The following TSHZ2 variants were observed in gnomAD, a reference collection of about 807,000 sequenced individuals.
The protein encoded by TSHZ2 is teashirt zinc finger homeobox 2.
TSHZ2 carries 21 observed loss-of-function variants against 74.4 expected under a neutral mutation model. The ratio of observed to expected loss-of-function variants is 0.28; its 90% confidence interval spans 0.20 to 0.41. The LOEUF is 0.41. Among genes scored for constraint, TSHZ2 ranks in the 10% least tolerant of loss-of-function variants. The pLI is 1.00. For synonymous variants in TSHZ2, 540 were observed against 515.3 expected, an observed-to-expected ratio of 1.05 and a Z score of -0.65; for missense variants, 1,244 against 1,293.5, an observed-to-expected ratio of 0.96 and a Z score of 0.59.
chr20:53,214,253 C>A (rs148691536), intron 1 of TSHZ2, among the ~76,000 whole-genome samples: 3 of 151,938 alleles, frequency 2.0e-5, no homozygotes, highest in African/African-American at 7.3e-5. Context: ...GTTTATGTTA[C>A]GGGGGTGGCA....
intron 1 of TSHZ2, among the ~76,000 whole-genome samples, chr20:53,089,042 T>C (rs1429086614): frequency 6.6e-6 from 1 of 152,078 alleles, no homozygotes; most frequent in African/African-American, 2.4e-5. Flanking sequence ...AAGCTTTCCG[T>C]GGCTCATCTC....
At chr20:53,372,075 T>C (rs979191874) in intron 2 of TSHZ2, among the ~76,000 whole-genome samples, 1 of 152,122 alleles carries the variant, frequency 6.6e-6, no homozygotes, top group African/African-American at 2.4e-5. Flanking sequence ...CCCACCCTAA[T>C]TGAGTCTGAC....
intron 2 of TSHZ2, among the ~76,000 whole-genome samples, chr20:53,407,451 C>T (rs937573415): frequency 3.9e-5 from 6 of 152,184 alleles, no homozygotes; most frequent in African/African-American, 1.4e-4. Context: ...CAATTATCAC[C>T]TTGCAAATGG....
At chr20:53,470,354 T>A (rs542679561) in intron 2 of TSHZ2, among the ~76,000 whole-genome samples, 2 of 152,194 alleles carry the variant, frequency 1.3e-5, no homozygotes, top group Admixed American at 1.3e-4. Flanking sequence ...TTAGGAAAAA[T>A]TAAATGAAAC....
chr20:53,139,178 C>T (rs1365082128), intron 1 of TSHZ2, among the ~76,000 whole-genome samples: 1 of 152,220 alleles, frequency 6.6e-6, no homozygotes, highest in Non-Finnish European at 1.5e-5. Context: ...ACAAGACTTA[C>T]TATAACTGCT....
chr20:53,270,097 T>C (rs566548337), intron 2 of TSHZ2, among the ~76,000 whole-genome samples: 8 of 152,062 alleles, frequency 5.3e-5, no homozygotes, highest in Non-Finnish European at 7.4e-5. Context: ...GAGGGTATGG[T>C]GGAGATGCCT....
chr20:53,259,286 G>C (rs1990551491), intron 2 of TSHZ2, among the ~76,000 whole-genome samples: 1 of 152,204 alleles, frequency 6.6e-6, no homozygotes, highest in Admixed American at 6.5e-5. Context: ...TTTTTTGAAA[G>C]ACACAACTTT....
At chr20:53,264,617 C>A (rs1990671199) in intron 2 of TSHZ2, among the ~76,000 whole-genome samples, 1 of 152,168 alleles carries the variant, frequency 6.6e-6, no homozygotes, top group Non-Finnish European at 1.5e-5. Flanking sequence ...CAACTTTAGC[C>A]CAAATATATG....
intron 2 of TSHZ2, among the ~76,000 whole-genome samples, chr20:53,323,091 C>G (rs942102921): frequency 2.6e-5 from 4 of 152,180 alleles, no homozygotes; most frequent in African/African-American, 9.7e-5. Context: ...GTCGGTCACC[C>G]TGCTCCAGAT....
intron 2 of TSHZ2, among the ~76,000 whole-genome samples, chr20:53,312,525 G>A (rs969966875): frequency 6.6e-6 from 1 of 152,192 alleles, no homozygotes; most frequent in South Asian, 2.1e-4. Context: ...TATATGAGAA[G>A]AGGAGACAAT....
chr20:53,355,782 C>T (rs924812654), intron 2 of TSHZ2, among the ~76,000 whole-genome samples: 1 of 88,148 alleles, frequency 1.1e-5, no homozygotes, highest in Non-Finnish European at 2.8e-5. Flanking sequence ...AAGCTGTTAA[C>T]AAAACAAAAA....
chr20:53,256,302 C>T lies in TSHZ2; in HGVS notation c.2844C>T (p.His948=), dbSNP rs199970246. ...CCTACATCAGTCACTTAGAATCTCACCTGGGTTTCCAAATGAAGGACATGA... is the reference window on the plus strand; with the variant it reads ...CCTACATCAGTCACTTAGAATCTCATCTGGGTTTCCAAATGAAGGACATGA... ...PSTYISHLES[H]LGFQMKDMTR... is the part of the protein sequence containing the mutation. Residue 948 remains histidine, a synonymous_variant, in exon 2 of 3, where the codon CAC becomes CAT. Coordinates refer to ENST00000371497, the MANE Select transcript of TSHZ2 (RefSeq NM_173485.6). The surrounding 1 kb of genome is among the most constrained non-coding windows in gnomAD (Gnocchi z 4.3). 17 of 1,614,060 alleles carry T rather than the reference C, an allele frequency of 1.1e-5. No individual in the cohort carries two copies. In the East Asian group the frequency reaches 3.3e-4, roughly 32 times the overall value.
chr20:53,127,440 A>G (rs1986976812), intron 1 of TSHZ2, among the ~76,000 whole-genome samples: 1 of 152,254 alleles, frequency 6.6e-6, no homozygotes, highest in Non-Finnish European at 1.5e-5. Flanking sequence ...ATAGTGGCGC[A>G]CGCCTGTAAT....
chr20:53,035,658 G>GAT (rs1983791390), intron 1 of TSHZ2, among the ~76,000 whole-genome samples: 1 of 152,174 alleles, frequency 6.6e-6, no homozygotes, highest in South Asian at 2.1e-4. Flanking sequence ...CTCCAAGCTG[G>GAT]ATATGAGGAA....
At chr20:52,980,900 T>C (rs1049658481) in intron 1 of TSHZ2, among the ~76,000 whole-genome samples, 1 of 152,154 alleles carries the variant, frequency 6.6e-6, no homozygotes, top group Non-Finnish European at 1.5e-5. Flanking sequence ...ATTTATCAGA[T>C]CCTTGGAATT....
intron 1 of TSHZ2, among the ~76,000 whole-genome samples, chr20:53,154,084 A>G (rs1182787448): frequency 6.6e-6 from 1 of 152,238 alleles, no homozygotes; most frequent in African/African-American, 2.4e-5. Context: ...AATAAATGCT[A>G]TCTTTTAACA....
At chr20:53,364,620 G>A (rs1981188280) in intron 2 of TSHZ2, among the ~76,000 whole-genome samples, 1 of 152,236 alleles carries the variant, frequency 6.6e-6, no homozygotes. Context: ...CAACAGGGAA[G>A]GTTCAGATTT....
At chr20:53,442,450 G>A (rs531462476) in intron 2 of TSHZ2, among the ~76,000 whole-genome samples, 105 of 152,284 alleles carry the variant, frequency 6.9e-4, no homozygotes, top group African/African-American at 2.3e-3. Context: ...CTGCTGAGCG[G>A]GGGCTTAGGT....
At chr20:53,293,157 CT>C (rs1200361235) in intron 2 of TSHZ2, among the ~76,000 whole-genome samples, 2 of 152,200 alleles carry the variant, frequency 1.3e-5, no homozygotes. Context: ...CATTTCTATA[CT>C]TTTTAGTATA....
Sources: allele counts gnomAD v4.1 joint callset (sites outside exome capture counted in the v4.1 genomes callset), GRCh38; gene constraint gnomAD v4.1.1; non-coding constraint Gnocchi (gnomAD v3.1); transcripts MANE v1.5; gene names NCBI Gene and HGNC (gene_info 2026-07-23, HGNC 2026-07-21).